The following DMD variants were observed in gnomAD, a reference collection of about 807,000 sequenced individuals.
DMD encodes dystrophin, also known as mutant dystrophin.
DMD carries 63 observed loss-of-function variants against 330.1 expected under a neutral mutation model. The ratio of observed to expected loss-of-function variants is 0.19; its 90% CI spans 0.16 to 0.24. The LOEUF (loss-of-function observed/expected upper bound fraction) is 0.24. Among genes scored for constraint, DMD ranks in the 10% least tolerant of loss-of-function variants. The pLI, the probability that DMD is intolerant of heterozygous loss-of-function variation, is 1.00. For missense variants in DMD, 3,344 were observed against 2,684.1 expected, an observed-to-expected ratio of 1.25 and a Z score of -5.43; for synonymous variants, 1,223 against 959.8, an observed-to-expected ratio of 1.27 and a Z score of -5.07.
At chrX:32,776,629 G>C (rs1246718293) in intron 7 of DMD, among the ~76,000 whole-genome samples, 1 of 110,867 alleles carries the variant, frequency 9.0e-6, no homozygotes, top group African/African-American at 3.3e-5. Context: ...ATCACAAGAA[G>C]AGCATGGGGA....
At chrX:33,130,244 G>A (rs866328663) in intron 1 of DMD, among the ~76,000 whole-genome samples, 82 of 111,625 alleles carry the variant, frequency 7.3e-4, no homozygotes, top group African/African-American at 2.6e-3. Context: ...GTACAAATAC[G>A]CAGTACTGTC....
At chrX:32,612,713 T>A (rs1002162978) in intron 12 of DMD, among the ~76,000 whole-genome samples, 19 of 111,453 alleles carry the variant, frequency 1.7e-4, no homozygotes, top group African/African-American at 6.2e-4. Flanking sequence ...AGGTGCTCAA[T>A]TAGTATCTAT....
intron 44 of DMD, among the ~76,000 whole-genome samples, chrX:32,173,428 A>G (rs1466975832): frequency 9.0e-6 from 1 of 111,152 alleles, no homozygotes; most frequent in African/African-American, 3.3e-5. Context: ...GCTGGAGTGC[A>G]GTGGCGCGAT....
At chrX:32,535,950 G>A (rs932155093) in intron 17 of DMD, among the ~76,000 whole-genome samples, 2 of 111,630 alleles carry the variant, frequency 1.8e-5, no homozygotes, top group Non-Finnish European at 3.8e-5. Flanking sequence ...AATTTGGCAA[G>A]TGTTTTAATA....
chrX:31,213,844 GA>G (rs1454010085), intron 64 of DMD, among the ~76,000 whole-genome samples: 2 of 111,570 alleles, frequency 1.8e-5, no homozygotes, highest in African/African-American at 6.5e-5. Flanking sequence ...TATTTAGAAA[GA>G]AAAAAAGAAG....
intron 34 of DMD, among the ~76,000 whole-genome samples, chrX:32,374,883 A>G: frequency 8.9e-6 from 1 of 111,990 alleles, no homozygotes; most frequent in Non-Finnish European, 1.9e-5. Context: ...TAATTTTAAA[A>G]AGAAAGTAAT....
chrX:32,923,895 A>G (rs1453950638), intron 2 of DMD, among the ~76,000 whole-genome samples: 2 of 111,890 alleles, frequency 1.8e-5, no homozygotes, highest in Admixed American at 1.9e-4. Flanking sequence ...AATAAGATAG[A>G]TTATCACTTT....
intron 18 of DMD, among the ~76,000 whole-genome samples, chrX:32,503,821 C>T (rs904687229): frequency 2.7e-5 from 3 of 111,372 alleles, no homozygotes; most frequent in Non-Finnish European, 3.8e-5. Context: ...TGGGGTGGGG[C>T]GGGGGGATTA....
intron 7 of DMD, among the ~76,000 whole-genome samples, chrX:32,753,918 A>G (rs1276933933): frequency 9.0e-6 from 1 of 111,242 alleles, no homozygotes; most frequent in Non-Finnish European, 1.9e-5. Context: ...TTAAGAAGGT[A>G]CCAAACCCTG....
At chrX:31,182,684 A>G (rs1241463622) in intron 68 of DMD, 54 bp downstream of exon 68, 1 of 1,121,197 alleles carries the variant, frequency 8.9e-7, no homozygotes, top group Non-Finnish European at 1.2e-6. Flanking sequence ...TCAAGTCATA[A>G]AAAGGTGAAA....
chrX:31,780,732 A>T (rs1367462286), intron 50 of DMD, among the ~76,000 whole-genome samples: 1 of 112,261 alleles, frequency 8.9e-6, no homozygotes, highest in Non-Finnish European at 1.9e-5. Context: ...CAGTCTGCAC[A>T]TACAAGTTGG....
chrX:31,934,440 C>T (rs1008887745), intron 45 of DMD, among the ~76,000 whole-genome samples: 4 of 111,836 alleles, frequency 3.6e-5, no homozygotes, highest in South Asian at 7.4e-4. Context: ...TACATTTATT[C>T]GCTTATTTTT....
intron 43 of DMD, among the ~76,000 whole-genome samples, chrX:32,284,219 T>C (rs750329970): frequency 8.9e-6 from 1 of 112,032 alleles, no homozygotes; most frequent in Admixed American, 9.5e-5. Context: ...CTAGAGTCAC[T>C]TTCTGTTAGT....
chrX:32,876,493 A>G (rs959942292), intron 2 of DMD, among the ~76,000 whole-genome samples: 1 of 111,270 alleles, frequency 9.0e-6, no homozygotes, highest in Non-Finnish European at 1.9e-5. Flanking sequence ...ACCTTTCTTC[A>G]AGGCTCTGTT....
intron 57 of DMD, among the ~76,000 whole-genome samples, chrX:31,487,857 T>C (rs1382468303): frequency 1.8e-5 from 2 of 111,895 alleles, no homozygotes; most frequent in Admixed American, 9.5e-5. Flanking sequence ...TGATGTAAAA[T>C]TGAAAAGTAA....
intron 55 of DMD, among the ~76,000 whole-genome samples, chrX:31,577,020 G>GT (rs1199154058): frequency 8.9e-6 from 1 of 112,089 alleles, no homozygotes; most frequent in Non-Finnish European, 1.9e-5. Flanking sequence ...CGGCCGATGA[G>GT]TTATTATATA....
At chrX:32,987,818 G>A (rs1234777311) in intron 2 of DMD, among the ~76,000 whole-genome samples, 1 of 109,310 alleles carries the variant, frequency 9.1e-6, no homozygotes, top group Non-Finnish European at 1.9e-5. Context: ...TAAAACAAAA[G>A]CCATAACTTG....
At chrX:31,892,920 A>G (rs2094278564) in intron 47 of DMD, among the ~76,000 whole-genome samples, 1 of 112,158 alleles carries the variant, frequency 8.9e-6, no homozygotes, top group Admixed American at 9.5e-5. Flanking sequence ...TAAAACATAT[A>G]ATCCAAATAA....
intron 57 of DMD, among the ~76,000 whole-genome samples, chrX:31,482,249 C>T (rs1479861006): frequency 4.1e-5 from 4 of 97,118 alleles, no homozygotes; most frequent in African/African-American, 1.7e-4. Context: ...GGGGGGTGTT[C>T]TGTGCATGGG....
Sources: allele counts gnomAD v4.1 joint callset (sites outside exome capture counted in the v4.1 genomes callset), GRCh38; gene constraint gnomAD v4.1.1; transcripts MANE v1.5; gene names NCBI Gene and HGNC (gene_info 2026-07-23, HGNC 2026-07-21).